CADM2: variants seen among roughly 807,000 people sequenced by gnomAD.
CADM2 encodes immunoglobulin superfamily member 4D.
A neutral mutation model predicts 49.8 loss-of-function variants in CADM2; 12 were observed. That is an observed-to-expected ratio of 0.24 (90% CI 0.15 to 0.39). The LOEUF is 0.39. Ranked by LOEUF, CADM2 falls within the 10% of genes least tolerant of loss-of-function variation. CADM2 has a pLI of 1.00. For synonymous variants in CADM2, 214 were observed against 175.4 expected, an observed-to-expected ratio of 1.22 and a Z score of -1.74; for missense variants, 378 against 492.3, an observed-to-expected ratio of 0.77 and a Z score of 2.20.
chr3:85,122,751 C>G (rs759790990), intron 1 of CADM2, among the ~76,000 whole-genome samples: 6 of 152,036 alleles, frequency 3.9e-5, no homozygotes, highest in African/African-American at 1.4e-4. Context: ...TGCCGGATTC[C>G]TTTTCCCTGA....
At chr3:85,053,081 G>GAATA (rs1246296619) in intron 1 of CADM2, among the ~76,000 whole-genome samples, 1 of 151,896 alleles carries the variant, frequency 6.6e-6, no homozygotes, top group African/African-American at 2.4e-5. Context: ...TTTTCCAGTG[G>GAATA]AATATCAAAT....
At position 85,957,297 on chromosome 3, in the gene CADM2, C is replaced by T. The variant is rs140862217; in HGVS notation, c.792-4172C>T. Among the ~76,000 whole-genome samples the T allele has an allele frequency of 2.9e-3, 434 of 151,502 alleles. 3 individuals are homozygous for T. The highest frequency in any genetic ancestry group is 8.7e-3 in the African/African-American group (360 of 41,384). On this transcript the variant is annotated intron_variant, in intron 7 of 9. Transcript: ENST00000383699. ...GGAGTGATTTGTCTATCTAATTGAA[C>T]GATACATATTATTATATTTTTCCAA...
chr3:86,005,598 A>ATG (rs1328537658), intron 8 of CADM2, among the ~76,000 whole-genome samples: 1 of 151,868 alleles, frequency 6.6e-6, no homozygotes, highest in Non-Finnish European at 1.5e-5. Flanking sequence ...GTATATATTT[A>ATG]TGTGGTGTAT....
At chr3:85,274,937 G>T (rs1343270010) in intron 1 of CADM2, among the ~76,000 whole-genome samples, 1 of 151,008 alleles carries the variant, frequency 6.6e-6, no homozygotes. Flanking sequence ...GTGTGTACAC[G>T]AGAGTCAAAG....
At chr3:85,299,457 G>T (rs1441329299) in intron 1 of CADM2, among the ~76,000 whole-genome samples, 2 of 152,014 alleles carry the variant, frequency 1.3e-5, no homozygotes, top group Non-Finnish European at 2.9e-5. Flanking sequence ...AATCTGTGGG[G>T]TTAATATATT....
intron 1 of CADM2, among the ~76,000 whole-genome samples, chr3:85,589,069 C>T (rs2063027357): frequency 6.6e-6 from 1 of 151,954 alleles, no homozygotes; most frequent in Non-Finnish European, 1.5e-5. Flanking sequence ...TGAATGGGTT[C>T]ATGAGAGCCA....
chr3:85,180,194 G>A (rs1171354733), intron 1 of CADM2, among the ~76,000 whole-genome samples: 1 of 151,984 alleles, frequency 6.6e-6, no homozygotes, highest in Non-Finnish European at 1.5e-5. Context: ...TTACAGAATT[G>A]GCAAAGATAC....
At chr3:85,434,908 G>A (rs2036855184) in intron 1 of CADM2, among the ~76,000 whole-genome samples, 1 of 152,028 alleles carries the variant, frequency 6.6e-6, no homozygotes, top group Non-Finnish European at 1.5e-5. Flanking sequence ...TAACAGTAGA[G>A]GTGTTGTATA....
At chr3:85,167,901 A>G (rs1478939773) in intron 1 of CADM2, among the ~76,000 whole-genome samples, 4 of 152,082 alleles carry the variant, frequency 2.6e-5, no homozygotes, top group Non-Finnish European at 5.9e-5. Flanking sequence ...TTGGGTGTGT[A>G]TATATATGTA....
intron 1 of CADM2, among the ~76,000 whole-genome samples, chr3:85,028,962 T>TTTCG (rs1393637330): frequency 1.3e-5 from 2 of 151,666 alleles, no homozygotes; most frequent in African/African-American, 2.4e-5. Context: ...TAAAACAGTA[T>TTTCG]GTGAATAAAT....
At chr3:85,057,846 A>G (rs2036147193) in intron 1 of CADM2, among the ~76,000 whole-genome samples, 1 of 152,182 alleles carries the variant, frequency 6.6e-6, no homozygotes, top group Non-Finnish European at 1.5e-5. Context: ...CAGGCATCCT[A>G]AAGATGGAGC....
chr3:85,432,274 G>T (rs1180510003), intron 1 of CADM2, among the ~76,000 whole-genome samples: 2 of 151,794 alleles, frequency 1.3e-5, no homozygotes, highest in African/African-American at 4.8e-5. Context: ...GAAGTGGGAT[G>T]CTAACATCTT....
rs992043765 is a variant in CADM2, at chr3:85,571,322, T to G, written c.62-155200T>G. 9.9e-5 allele frequency among the ~76,000 whole-genome samples: 15 copies of G among 152,262 alleles called. No individual in the cohort carries two copies. The East Asian group carries it at 2.7e-3, about 27-fold the overall frequency. On this transcript the variant is annotated intron_variant, in intron 1 of 9. Transcript: ENST00000383699. ...GTCCTTTCCTCAAAATGGCTTTTTT[T>G]CCAGTTGATTTATAAAACTTAGTGC...
intron 8 of CADM2, among the ~76,000 whole-genome samples, chr3:85,974,021 G>A (rs1726471921): frequency 6.6e-6 from 1 of 151,654 alleles, no homozygotes; most frequent in South Asian, 2.1e-4. Flanking sequence ...GATTGGCTCA[G>A]AGTATATTTG....
At chr3:85,687,320 T>C (rs1432185292) in intron 1 of CADM2, among the ~76,000 whole-genome samples, 2 of 152,204 alleles carry the variant, frequency 1.3e-5, no homozygotes, top group East Asian at 3.8e-4. Context: ...ATAACATAAT[T>C]ACTTTAGCCA....
chr3:85,145,475 T>G (rs1329055752), intron 1 of CADM2, among the ~76,000 whole-genome samples: 1 of 152,028 alleles, frequency 6.6e-6, no homozygotes, highest in Non-Finnish European at 1.5e-5. Context: ...CAGTCTTATA[T>G]TATTTGCAAT....
chr3:85,505,251 G>A (rs2040296262), intron 1 of CADM2, among the ~76,000 whole-genome samples: 1 of 152,236 alleles, frequency 6.6e-6, no homozygotes, highest in Non-Finnish European at 1.5e-5. Flanking sequence ...TATCACAAGT[G>A]TAAGAAAGGT....
At chr3:85,682,811 C>T (rs906251223) in intron 1 of CADM2, among the ~76,000 whole-genome samples, 2 of 151,836 alleles carry the variant, frequency 1.3e-5, no homozygotes, top group African/African-American at 4.8e-5. Context: ...CATGTTTTTC[C>T]TTTATATTGT....
chr3:85,839,001 G>A (rs1017034910), intron 3 of CADM2, among the ~76,000 whole-genome samples: 94 of 151,774 alleles, frequency 6.2e-4, no homozygotes, highest in African/African-American at 2.2e-3. Flanking sequence ...TCTTGAGGTG[G>A]GATGGAGAGG....
Sources: allele counts gnomAD v4.1 joint callset (sites outside exome capture counted in the v4.1 genomes callset), GRCh38; gene constraint gnomAD v4.1.1; transcripts MANE v1.5; gene names NCBI Gene and HGNC (gene_info 2026-07-23, HGNC 2026-07-21).